SIN3B: variants seen among roughly 807,000 people sequenced by gnomAD.
SIN3B encodes paired amphipathic helix protein Sin3b.
SIN3B carries 19 observed loss-of-function variants against 120.2 expected under a neutral mutation model. The observed-to-expected ratio is 0.16, with a 90% CI of 0.11 to 0.23. The LOEUF (loss-of-function observed/expected upper bound fraction) is 0.23. Ranked by LOEUF, SIN3B falls within the 10% of genes least tolerant of loss-of-function variation. The probability of loss-of-function intolerance (pLI) is 1.00; values close to 1 mark genes in which losing one functional copy is unlikely to be tolerated. For synonymous variants in SIN3B, 654 were observed against 653.2 expected (o/e 1.00, Z -0.02); for missense variants, 1,073 against 1,573.0 (o/e 0.68, Z 5.38).
intron 2 of SIN3B, among the ~76,000 whole-genome samples, chr19:16,830,839 G>T (rs534360410): frequency 6.6e-6 from 1 of 152,352 alleles, no homozygotes; most frequent in South Asian, 2.1e-4. Context: ...AATGAGGGAA[G>T]TTTTCACATT....
rs1252016707 is a variant in SIN3B at position 16,869,616 on chromosome 19, A to G, written c.1963A>G (p.Ile655Val). The change falls in exon 13 of 19, where the codon ATC (isoleucine) becomes GTC (valine). Residue 655 changes from isoleucine (I) to valine (V), a missense_variant. Ile to Val is a conservative substitution (Grantham distance 29, BLOSUM62 3). Transcript: ENST00000248054. ...PAIQKEDQGTIHQLLHQFVPS... is the reference protein window; with the variant it reads ...PAIQKEDQGTVHQLLHQFVPS... Reference sequence around the variant, plus strand: ...CATCCAGAAGGAGGACCAGGGCACCATCCACCAGCTGCTGCACCAGTTCGT... The same window carrying G: ...CATCCAGAAGGAGGACCAGGGCACCGTCCACCAGCTGCTGCACCAGTTCGT... The G allele has an allele frequency of 1.2e-6, 2 of 1,613,582 alleles. No homozygotes were observed. Among genetic ancestry groups the G allele is most frequent in the South Asian group, 1.1e-5 (1 of 91,086 alleles).
Position 16,878,375 on chromosome 19 carries a change from C to T in SIN3B, c.3147C>T (p.Leu1049=), listed in dbSNP as rs1490285400. The T allele has an allele frequency of 6.2e-7, 1 of 1,611,652 alleles. No individual in the cohort carries two copies. The part of the protein sequence containing the change: ...SEDYMYRRGT[L]CRAKQVQPLV... ...ACTACATGTACCGTCGCGGGACCCT[C>T]TGCCGGGCCAAGCAGGTGCCAGGGG... The change falls in exon 18 of 19, where the codon CTC becomes CTT. Residue 1049 remains leucine (L), a synonymous_variant. Coordinates refer to ENST00000248054, the MANE Select transcript of SIN3B (RefSeq NM_001297595.2).
intron 5 of SIN3B, among the ~76,000 whole-genome samples, chr19:16,849,388 C>G (rs762648435): frequency 3.9e-5 from 6 of 152,120 alleles, no homozygotes; most frequent in Non-Finnish European, 8.8e-5. Context: ...GGGCTGTGTG[C>G]CAATAACACT....
intron 14 of SIN3B, among the ~76,000 whole-genome samples, chr19:16,874,230 G>A (rs778895270): frequency 5.3e-5 from 8 of 152,238 alleles, no homozygotes; most frequent in Admixed American, 2.0e-4. Context: ...ATATTTTTCC[G>A]TGTCTTTTCT....
intron 5 of SIN3B, among the ~76,000 whole-genome samples, chr19:16,847,564 G>T (rs949809869): frequency 5.3e-5 from 8 of 152,192 alleles, no homozygotes; most frequent in Non-Finnish European, 1.0e-4. Flanking sequence ...AGCGGGGGTG[G>T]CCTGTGGCCT....
Position 16,876,185 on chromosome 19 carries a change from A to G in SIN3B, c.2723A>G (p.Gln908Arg), listed in dbSNP as rs1248877011. The G allele has an allele frequency of 9.9e-6, 16 of 1,613,134 alleles. No homozygotes were observed. The highest frequency in any genetic ancestry group is 3.3e-5 in the Admixed American group (2 of 59,982). ...CVRAARETSY[Q>R]WKAERCMADE... is the part of the protein sequence containing the mutation. ...CGCGCTGCTAGGGAGACCAGCTACC[A>G]GTGGAAGGCTGAGCGCTGCATGGCC... Residue 908 changes from glutamine (Q) to arginine (R), a missense_variant, in exon 15 of 19, where the codon CAG (glutamine) becomes CGG (arginine). Physicochemically the swap from Gln to Arg is conservative, Grantham distance 43. Transcript: ENST00000248054. The surrounding 1 kb of genome is among the most constrained non-coding windows in gnomAD (Gnocchi z 7.1).
At chr19:16,873,490 A>G (rs2051539150) in intron 14 of SIN3B, among the ~76,000 whole-genome samples, 1 of 150,702 alleles carries the variant, frequency 6.6e-6, no homozygotes, top group Non-Finnish European at 1.5e-5. Flanking sequence ...GAAGTGACGC[A>G]GGGGACGCCA....
At chr19:16,865,363 T>C in intron 10 of SIN3B, 47 bp from the exon 11 acceptor site, 2 of 1,173,240 alleles carry the variant, frequency 1.7e-6, no homozygotes, top group Non-Finnish European at 2.4e-6. Context: ...CTCTGAGGCC[T>C]CTTGAGTTCC....
At chr19:16,835,847 G>A (rs1971341285) in intron 3 of SIN3B, among the ~76,000 whole-genome samples, 1 of 152,024 alleles carries the variant, frequency 6.6e-6, no homozygotes, top group East Asian at 1.9e-4. Flanking sequence ...CAGAGACAGG[G>A]TTTCACCATG....
intron 14 of SIN3B, among the ~76,000 whole-genome samples, chr19:16,875,718 T>TGGTTTGGTCTGGTCTGGTC (rs1229542152): frequency 6.0e-5 from 9 of 149,804 alleles, no homozygotes; most frequent in African/African-American, 2.0e-4. Flanking sequence ...TGGTCTGGTC[T>TGGTTTGGTCTGGTCTGGTC]GGTTTGGTCT....
rs771485366 is a variant in SIN3B, at chr19:16,875,244, TTGGTC to T, written c.2593-796_2593-792del. On this transcript the variant is annotated intron_variant, in intron 14 of 18. Transcript: ENST00000248054. ...TTTGGTCTGGTCTGGTCTGGTCTGTTTGGTCTGGTCTGGTCTGGTTTTGGTCTGGT... is the reference window on the plus strand; with the variant it reads ...TTTGGTCTGGTCTGGTCTGGTCTGTTTGGTCTGGTCTGGTTTTGGTCTGGT... Among the ~76,000 whole-genome samples the T allele has an allele frequency of 8.9e-3, 1,275 of 143,492 alleles. 14 individuals are homozygous for T. The highest frequency in any genetic ancestry group is 0.013 in the Admixed American group (180 of 14,368). The allele number at this position is 143,492 out of a possible 152,430, so 94.1% of individuals were successfully genotyped here. A position where few individuals can be genotyped will look rare whatever the true frequency, so the allele number is the denominator to read the frequency against.
intron 8 of SIN3B, among the ~76,000 whole-genome samples, chr19:16,858,476 A>T (rs571086914): frequency 6.6e-6 from 1 of 152,100 alleles, no homozygotes; most frequent in African/African-American, 2.4e-5. Flanking sequence ...AAGGGGACCA[A>T]TTAGGTTGTT....
intron 14 of SIN3B, among the ~76,000 whole-genome samples, chr19:16,874,905 C>G (rs1172167366): frequency 7.6e-6 from 1 of 131,022 alleles, no homozygotes; most frequent in Non-Finnish European, 1.6e-5. Context: ...TTGGTCTGGT[C>G]TAATCTGGTC....
intron 2 of SIN3B, among the ~76,000 whole-genome samples, chr19:16,831,148 C>T (rs984523560): frequency 6.6e-5 from 10 of 151,802 alleles, no homozygotes; most frequent in Admixed American, 4.6e-4. Context: ...CTGCAGCCTC[C>T]GCCTCCCGGG....
Position 16,869,986 on chromosome 19 carries a change from G to T in SIN3B, c.2333G>T (p.Arg778Leu), listed in dbSNP as rs939720992. 1 of 1,614,020 alleles carries T rather than the reference G, an allele frequency of 6.2e-7. No homozygotes were observed. Among genetic ancestry groups the T allele is most frequent in the African/African-American group, 1.3e-5 (1 of 75,042 alleles). ...RQAQKQLLEY[R>L]TEKEREKLLC... Reference sequence around the variant, plus strand: ...GCGCAGAAGCAGCTTCTGGAGTATCGGACCGAGAAGGAGCGGGAGAAGCTG... The same window carrying T: ...GCGCAGAAGCAGCTTCTGGAGTATCTGACCGAGAAGGAGCGGGAGAAGCTG... Residue 778 changes from arginine to leucine, a missense_variant, in exon 13 of 19, where the codon CGG becomes CTG. Arg to Leu is a moderately radical substitution (Grantham distance 102). This residue lies in a region of SIN3B where 52 missense variants were observed against 68.8 expected (regional missense o/e 0.76). Coordinates refer to ENST00000248054, the MANE Select transcript of SIN3B (RefSeq NM_001297595.2).
At chr19:16,867,857 C>T (rs1276392473) in intron 12 of SIN3B, among the ~76,000 whole-genome samples, 2 of 152,194 alleles carry the variant, frequency 1.3e-5, no homozygotes, top group African/African-American at 4.8e-5. Context: ...CACTCTAGTC[C>T]TCGGCGATCC....
intron 3 of SIN3B, among the ~76,000 whole-genome samples, chr19:16,841,150 C>T (rs975588913): frequency 3.3e-5 from 5 of 151,940 alleles, no homozygotes; most frequent in Admixed American, 6.6e-5. Flanking sequence ...TTGCTCATAT[C>T]GGCTGAAAAG....
chr19:16,834,236 G>A (rs547700780), intron 3 of SIN3B, among the ~76,000 whole-genome samples: 165 of 152,322 alleles, frequency 1.1e-3, no homozygotes, highest in Non-Finnish European at 2.2e-3. Flanking sequence ...AGAGCACTTT[G>A]CAGAGCCTGA....
intron 5 of SIN3B, among the ~76,000 whole-genome samples, 188 bp downstream of exon 5, chr19:16,847,301 A>G (rs932807921): frequency 6.6e-6 from 1 of 152,212 alleles, no homozygotes; most frequent in African/African-American, 2.4e-5. Context: ...GCAAGCTCGT[A>G]AACGATTTGC....
Sources: gnomAD v4.1 joint callset for allele counts (sites outside exome capture counted in the v4.1 genomes callset) on GRCh38, gnomAD v4.1.1 for gene constraint, gnomAD v4.1.1 regional missense constraint, Gnocchi (gnomAD v3.1) non-coding constraint, MANE v1.5 for transcripts, NCBI Gene and HGNC (gene_info 2026-07-23, HGNC 2026-07-21) for gene names.